The following KIAA1217 variants were observed in gnomAD, a reference collection of about 807,000 sequenced individuals.
KIAA1217 encodes KIAA1217, also known as sickle tail protein homolog.
Under a neutral mutation model 163.9 loss-of-function variants are expected in KIAA1217, and 88 were observed. The ratio of observed to expected loss-of-function variants is 0.54; its 90% CI spans 0.45 to 0.64. The LOEUF is 0.64. Among genes scored for constraint, KIAA1217 ranks in the 30% least tolerant of loss-of-function variants. The pLI is 0.00. For missense variants in KIAA1217, 2,372 were observed against 2,475.0 expected, an observed-to-expected ratio of 0.96 and a Z score of 0.88; for synonymous variants, 903 against 923.1, an observed-to-expected ratio of 0.98 and a Z score of 0.39.
chr10:24,351,581 G>A (rs2048467994), intron 2 of KIAA1217, among the ~76,000 whole-genome samples: 1 of 152,150 alleles, frequency 6.6e-6, no homozygotes, highest in Non-Finnish European at 1.5e-5. Context: ...TTCACCTTGG[G>A]TTGAGGCAGA....
chr10:24,066,188 A>G (rs1385174224), intron 2 of KIAA1217, among the ~76,000 whole-genome samples: 2 of 152,098 alleles, frequency 1.3e-5, no homozygotes, highest in Non-Finnish European at 2.9e-5. Context: ...TGTCATTATG[A>G]TGTTAGCTGG....
intron 2 of KIAA1217, among the ~76,000 whole-genome samples, chr10:24,367,438 G>C (rs77354588): frequency 6.6e-6 from 1 of 152,174 alleles, no homozygotes; most frequent in Admixed American, 6.5e-5. Flanking sequence ...TGCTTGCTTC[G>C]AAATATTTAA....
intron 3 of KIAA1217, among the ~76,000 whole-genome samples, chr10:24,406,392 AACACACAC>A (rs34564889): frequency 2.2e-4 from 29 of 133,808 alleles, no homozygotes; most frequent in Non-Finnish European, 3.4e-4. Flanking sequence ...TTCACACACA[AACACACAC>A]ACACACACAC....
chr10:24,433,128 G>C lies in KIAA1217; in HGVS notation c.687G>C (p.Ser229=). The change falls in exon 4 of 21, where the codon TCG becomes TCC. Residue 229 remains serine, a synonymous_variant. Transcript: ENST00000376454. ...AGCTCACCATGAAAATGCTGGAATC[G>C]CCCAGTGTCGCCATTTACATCAAAG... ...PQQLTMKMLE[S]PSVAIYIKDE... 6.2e-7 allele frequency: 1 copy of C among 1,614,044 alleles called. No individual in the cohort carries two copies. Among genetic ancestry groups the C allele is most frequent in the South Asian group, 1.1e-5 (1 of 91,072 alleles).
intron 13 of KIAA1217, among the ~76,000 whole-genome samples, chr10:24,525,764 C>T (rs2072047982): frequency 6.6e-6 from 1 of 151,978 alleles, no homozygotes. Flanking sequence ...CGAGGCGGGT[C>T]GATCACTGGA....
At chr10:24,456,291 A>G (rs962477360) in intron 5 of KIAA1217, among the ~76,000 whole-genome samples, 6 of 152,178 alleles carry the variant, frequency 3.9e-5, no homozygotes, top group South Asian at 2.1e-4. Context: ...TGTATCTCCA[A>G]AACGAATGTG....
At chr10:23,937,049 A>AT (rs1470844959) in intron 1 of KIAA1217, among the ~76,000 whole-genome samples, 2 of 152,006 alleles carry the variant, frequency 1.3e-5, no homozygotes, top group East Asian at 3.9e-4. Flanking sequence ...TAATTTTTGT[A>AT]TTTTTAGTAG....
At chr10:24,249,057 G>T (rs1223888306) in intron 2 of KIAA1217, among the ~76,000 whole-genome samples, 1 of 152,170 alleles carries the variant, frequency 6.6e-6, no homozygotes, top group East Asian at 1.9e-4. Context: ...CGAGTGTAGT[G>T]GACGTGATTT....
In KIAA1217 at chr10:24,219,917, T is replaced by A. The variant is rs755893199; in HGVS notation, c.354+8T>A. The A allele has an allele frequency of 6.3e-7, 1 of 1,577,926 alleles. No individual in the cohort carries two copies. Among genetic ancestry groups the A allele is most frequent in the Admixed American group, 1.8e-5 (1 of 54,378 alleles). On this transcript the variant is annotated splice_region_variant and intron_variant, in intron 2 of 20. Transcript: ENST00000376454. ...GAGAGGCTGAGAGACCAGGTACGAA[T>A]ATGCTCTCATTTCTCCTTGTGTAGC...
At chr10:24,259,528 T>A (rs1056558316) in intron 2 of KIAA1217, among the ~76,000 whole-genome samples, 3 of 152,094 alleles carry the variant, frequency 2.0e-5, no homozygotes, top group Non-Finnish European at 4.4e-5. Flanking sequence ...GGTGGGAGGA[T>A]TGCTTAAGCC....
intron 2 of KIAA1217, among the ~76,000 whole-genome samples, chr10:24,378,906 A>T (rs767720781): frequency 6.6e-6 from 1 of 152,162 alleles, no homozygotes; most frequent in Non-Finnish European, 1.5e-5. Flanking sequence ...TGATTTTTCT[A>T]CTTACCTACC....
At chr10:24,265,313 G>A (rs529113862) in intron 2 of KIAA1217, among the ~76,000 whole-genome samples, 5 of 152,274 alleles carry the variant, frequency 3.3e-5, no homozygotes, top group South Asian at 4.1e-4. Context: ...AATAACAATC[G>A]TCTTCATAAT....
At chr10:23,950,274 G>A (rs1844271061) in intron 1 of KIAA1217, among the ~76,000 whole-genome samples, 1 of 152,190 alleles carries the variant, frequency 6.6e-6, no homozygotes, top group African/African-American at 2.4e-5. Context: ...TTGAAGTGCT[G>A]TAGAATTCTG....
chr10:24,192,064 T>C (rs2066746726), intron 2 of KIAA1217, among the ~76,000 whole-genome samples: 1 of 152,214 alleles, frequency 6.6e-6, no homozygotes, highest in African/African-American at 2.4e-5. Flanking sequence ...TTAATGTAAG[T>C]TTGGGTTGAC....
chr10:23,848,407 G>A (rs1331627682), intron 1 of KIAA1217, among the ~76,000 whole-genome samples: 2 of 151,884 alleles, frequency 1.3e-5, no homozygotes, highest in South Asian at 2.1e-4. Context: ...TTCATAAAGT[G>A]TTCATGGAAC....
intron 1 of KIAA1217, among the ~76,000 whole-genome samples, chr10:23,759,345 C>T (rs1834121581): frequency 6.6e-6 from 1 of 152,112 alleles, no homozygotes; most frequent in African/African-American, 2.4e-5. Context: ...AAGAACATGC[C>T]ATATGTGAAC....
At chr10:23,964,453 T>C (rs982637636) in intron 1 of KIAA1217, among the ~76,000 whole-genome samples, 2 of 152,236 alleles carry the variant, frequency 1.3e-5, no homozygotes, top group Non-Finnish European at 2.9e-5. Context: ...ATTTTGGCTT[T>C]TGTTGCCATT....
chr10:24,188,911 C>T (rs2066573865), intron 2 of KIAA1217, among the ~76,000 whole-genome samples: 1 of 152,040 alleles, frequency 6.6e-6, no homozygotes, highest in African/African-American at 2.4e-5. Context: ...CGAGACCATC[C>T]TGGCTAACAT....
At chr10:23,835,426 C>T (rs1838397877) in intron 1 of KIAA1217, among the ~76,000 whole-genome samples, 1 of 151,942 alleles carries the variant, frequency 6.6e-6, no homozygotes, top group Non-Finnish European at 1.5e-5. Context: ...ATATTTATTC[C>T]CAGGAGATAA....
Sources: gnomAD v4.1 joint callset for allele counts (sites outside exome capture counted in the v4.1 genomes callset) on GRCh38, gnomAD v4.1.1 for gene constraint, MANE v1.5 for transcripts, NCBI Gene and HGNC (gene_info 2026-07-23, HGNC 2026-07-21) for gene names.